The following OR2T27 variants were observed in gnomAD, a reference collection of about 807,000 sequenced individuals.
OR2T27 encodes the protein olfactory receptor family 2 subfamily T member 27, also known as olfactory receptor 2T27.
For missense variants in OR2T27, 152 were observed against 397.2 expected (o/e 0.38, Z 5.25); for synonymous variants, 51 against 152.9 (o/e 0.33, Z 4.92).
At position 248,650,043 on chromosome 1, in the gene OR2T27, A is replaced by G. The variant is rs1660968047; in HGVS notation, c.842T>C (p.Leu281Pro). Residue 281 changes from leucine to proline, a missense_variant, in exon 2 of 2, where the codon CTT becomes CCT. Physicochemically the swap from Leu to Pro is moderately conservative, Grantham distance 98 (BLOSUM62 -3). Transcript: ENST00000460972. The stretch of plus-strand genomic sequence containing the variant: ...AATGAGTGGATTGAGCATGGGAGTA[A>G]GGATGGTGTAGAAGGCAGATACAGC... ...DKAVSAFYTI[L>P]TPMLNPLIYS... is the part of the protein sequence containing the mutation. 6.3e-7 allele frequency: 1 copy of G among 1,575,522 alleles called. No individual in the cohort carries two copies. Among genetic ancestry groups the G allele is most frequent in the African/African-American group, 1.4e-5 (1 of 69,160 alleles).
chr1:248,650,901 C>T lies in OR2T27; in HGVS notation c.-4-13G>A. On this transcript the variant is annotated splice_polypyrimidine_tract_variant and intron_variant, in intron 1 of 1. Coordinates refer to ENST00000460972, the MANE Select transcript of OR2T27 (RefSeq NM_001001824.2). ...CTGCTCCATAGCTCTGTAGGGTACA[C>T]AAAAGAGATATGACAAAGTTGGAAA... is the stretch of plus-strand genomic sequence containing the variant. The T allele has an allele frequency of 2.1e-6, 3 of 1,444,862 alleles. No individual in the cohort carries two copies. The highest frequency in any genetic ancestry group is 2.8e-6 in the Non-Finnish European group (3 of 1,067,714). 89.5% of individuals were successfully genotyped at this position (1,444,862 alleles called of 1,614,324 possible). A position where few individuals can be genotyped will look rare whatever the true frequency, so the allele number is the denominator to read the frequency against.
intron 1 of OR2T27, among the ~76,000 whole-genome samples, chr1:248,652,739 T>G (rs1398730630): frequency 1.8e-5 from 2 of 110,320 alleles, no homozygotes; most frequent in African/African-American, 2.8e-5. Flanking sequence ...CGATGAAAAT[T>G]CAGATTTTTA....
At chr1:248,652,001 A>G (rs998072545) in intron 1 of OR2T27, among the ~76,000 whole-genome samples, 39 of 139,464 alleles carry the variant, frequency 2.8e-4, no homozygotes, top group Non-Finnish European at 5.3e-4. Flanking sequence ...CCTATTTTTT[A>G]CATTTTTAAT....
chr1:248,655,250 AACT>A (rs1407034153), intron 1 of OR2T27, among the ~76,000 whole-genome samples, 191 bp downstream of exon 1: 7 of 124,022 alleles, frequency 5.6e-5, no homozygotes, highest in African/African-American at 1.6e-4. Flanking sequence ...AAGAGTCCAT[AACT>A]ACTAAGAAAC....
At position 248,649,940 on chromosome 1, in the gene OR2T27, G is replaced by T. The variant is rs766496822; in HGVS notation, c.945C>A (p.Thr315=). The T allele has an allele frequency of 6.4e-7, 1 of 1,561,886 alleles. No homozygotes were observed. Among genetic ancestry groups the T allele is most frequent in the Admixed American group, 1.7e-5 (1 of 58,738 alleles). ...AGCATATGAAATTTCTTTAGAAAGT[G>T]GTTACCTTTCCTGAGGACACACACC... The part of the protein sequence containing the change: ...VGRCVSSGKV[T]TF Residue 315 remains threonine, a synonymous_variant, in exon 2 of 2, where the codon ACC becomes ACA. Coordinates refer to ENST00000460972, the MANE Select transcript of OR2T27 (RefSeq NM_001001824.2).
At position 248,649,994 on chromosome 1, in the gene OR2T27, G is replaced by T; in HGVS notation, c.891C>A (p.Val297=). 6.3e-7 allele frequency: 1 copy of T among 1,577,190 alleles called. No homozygotes were observed. Residue 297 remains valine (V), a synonymous_variant, in exon 2 of 2, where the codon GTC becomes GTA. Coordinates refer to ENST00000460972, the MANE Select transcript of OR2T27 (RefSeq NM_001001824.2). ...CCACAACCTTCTGTAGGGCCCCTGT[G>T]ACATCCTTGTTCCTAAGGCTGTAAA... is the stretch of plus-strand genomic sequence containing the variant. The part of the protein sequence containing the change: ...PLIYSLRNKD[V]TGALQKVVGR...
rs567610961 is a variant in OR2T27, at chr1:248,650,696, G to A, written c.189C>T (p.Leu63=). 1 of 1,540,236 alleles carries A rather than the reference G, an allele frequency of 6.5e-7. No homozygotes were observed. Among genetic ancestry groups the A allele is most frequent in the East Asian group, 2.3e-5 (1 of 43,784 alleles). The change falls in exon 2 of 2, where the codon CTC becomes CTT. Residue 63 remains leucine (L), a synonymous_variant. Transcript: ENST00000460972. ...GGATGTCCCTGAGGGAGAGCTGGCT[G>A]AGCAGGAAGTACATGGGGGTGTGGA... ...SRLHTPMYFL[L]SQLSLRDILY... is the part of the protein sequence containing the mutation.
rs1429170188 is a variant in OR2T27 at position 248,649,938 on chromosome 1, G to A, written c.947C>T (p.Thr316Ile). ...GRCVSSGKVTTF is the reference protein window; with the variant it reads ...GRCVSSGKVTIF ...GCAGCATATGAAATTTCTTTAGAAAGTGGTTACCTTTCCTGAGGACACACA... is the reference window on the plus strand; with the variant it reads ...GCAGCATATGAAATTTCTTTAGAAAATGGTTACCTTTCCTGAGGACACACA... The change falls in exon 2 of 2, where the codon ACT becomes ATT. Residue 316 changes from threonine (T) to isoleucine (I), a missense_variant. Transcript: ENST00000460972. The A allele has an allele frequency of 1.9e-6, 3 of 1,560,878 alleles. No homozygotes were observed. Among genetic ancestry groups the A allele is most frequent in the South Asian group, 1.1e-5 (1 of 88,434 alleles).
At chr1:248,651,948 ACT>A (rs1661025570) in intron 1 of OR2T27, among the ~76,000 whole-genome samples, 1 of 56,946 alleles carries the variant, frequency 1.8e-5, no homozygotes, top group South Asian at 9.5e-4. Context: ...TATTATGGTA[ACT>A]TTTAGATATA....
chr1:248,653,773 CTA>C (rs67010943), intron 1 of OR2T27, among the ~76,000 whole-genome samples: 102,909 of 125,400 alleles, frequency 0.82, 46,399 homozygotes, highest in East Asian at 1. Flanking sequence ...ATGACCTTTT[CTA>C]TATATAGGTG....
intron 1 of OR2T27, among the ~76,000 whole-genome samples, chr1:248,655,076 G>T (rs1415685076): frequency 1.3e-4 from 4 of 31,598 alleles, no homozygotes; most frequent in African/African-American, 1.4e-4. Flanking sequence ...TGCTTATGAG[G>T]TACCTAAACA....
At position 248,650,910 on chromosome 1, in the gene OR2T27, T is replaced by G. The variant is rs755185516; in HGVS notation, c.-4-22A>C. On this transcript the variant is annotated intron_variant, in intron 1 of 1. Coordinates refer to ENST00000460972, the MANE Select transcript of OR2T27 (RefSeq NM_001001824.2). ...AGCTCTGTAGGGTACACAAAAGAGA[T>G]ATGACAAAGTTGGAAAGGTATCTGA... 1.2e-5 allele frequency: 12 copies of G among 985,890 alleles called. No individual in the cohort carries two copies. The South Asian group carries it at 2.1e-4, about 18-fold the overall frequency. The allele number at this position is 985,890 out of a possible 1,614,324, so 61.1% of individuals were successfully genotyped here. A position where few individuals can be genotyped will look rare whatever the true frequency, so the allele number is the denominator to read the frequency against.
chr1:248,653,712 G>T (rs1661069942), intron 1 of OR2T27, among the ~76,000 whole-genome samples: 1 of 91,222 alleles, frequency 1.1e-5, no homozygotes, highest in South Asian at 6.6e-4. Flanking sequence ...ATATGGATTT[G>T]ATTATGAAAA....
Position 248,649,990 on chromosome 1 carries a change from C to T in OR2T27, c.895G>A (p.Gly299Arg). Reference sequence around the variant, plus strand: ...CTCCCCACAACCTTCTGTAGGGCCCCTGTGACATCCTTGTTCCTAAGGCTG... The same window carrying T: ...CTCCCCACAACCTTCTGTAGGGCCCTTGTGACATCCTTGTTCCTAAGGCTG... ...IYSLRNKDVT[G>R]ALQKVVGRCV... Residue 299 changes from glycine (G) to arginine (R), a missense_variant, in exon 2 of 2, where the codon GGG becomes AGG. Transcript: ENST00000460972. 6.3e-7 allele frequency: 1 copy of T among 1,577,690 alleles called. No individual in the cohort carries two copies. The highest frequency in any genetic ancestry group is 8.6e-7 in the Non-Finnish European group (1 of 1,157,650).
At position 248,650,231 on chromosome 1, in the gene OR2T27, G is replaced by T; in HGVS notation, c.654C>A (p.Tyr218Ter). Residue 218 changes from tyrosine (Y) to a stop codon, truncating the protein, a stop_gained, in exon 2 of 2, where the codon TAC (tyrosine) becomes TAA (stop). Transcript: ENST00000460972. LOFTEE classifies it low-confidence loss of function (END_TRUNC). Reference sequence around the variant, plus strand: ...TATAAACAGTAATGAGAATTCTTGTGTAAGAGCCCGAGATGACAGAGAAAG... The same window carrying T: ...TATAAACAGTAATGAGAATTCTTGTTTAAGAGCCCGAGATGACAGAGAAAG... ...LIPFSVISGS[Y>*]TRILITVYRM... 8.2e-7 allele frequency: 1 copy of T among 1,224,616 alleles called. No individual in the cohort carries two copies. The highest frequency in any genetic ancestry group is 1.2e-6 in the Non-Finnish European group (1 of 862,750). 75.9% of individuals were successfully genotyped at this position (1,224,616 alleles called of 1,614,324 possible).
intron 1 of OR2T27, among the ~76,000 whole-genome samples, chr1:248,653,480 CTG>C (rs1661062696): frequency 7.7e-6 from 1 of 130,532 alleles, no homozygotes. Flanking sequence ...GAGAATATTG[CTG>C]TGATTGAATA....
At chr1:248,652,166 C>CA (rs1661033232) in intron 1 of OR2T27, among the ~76,000 whole-genome samples, 1 of 77,638 alleles carries the variant, frequency 1.3e-5, no homozygotes, top group Non-Finnish European at 4.1e-5. Flanking sequence ...AGAATTGAGC[C>CA]AAAAAATTTA....
chr1:248,652,502 ATC>A lies in OR2T27; in HGVS notation c.-4-1616_-4-1615del, dbSNP rs1171483841. ...AGGCCCTGAAAGAATGTAAGACATC[ATC>A]TGTCTTCGAGCCTAGAATTGAGGCA... On this transcript the variant is annotated intron_variant, in intron 1 of 1. Coordinates refer to ENST00000460972, the MANE Select transcript of OR2T27 (RefSeq NM_001001824.2). Among the ~76,000 whole-genome samples the A allele has an allele frequency of 2.5e-4, 9 of 35,408 alleles. No homozygotes were observed. The East Asian group carries it at 3.8e-3, about 15-fold the overall frequency. The allele number at this position is 35,408 out of a possible 152,430, so 23.2% of individuals were successfully genotyped here. A position where few individuals can be genotyped will look rare whatever the true frequency, so the allele number is the denominator to read the frequency against.
rs187207674 is a variant in OR2T27 at position 248,652,276 on chromosome 1, A to G, written c.-4-1388T>C. Among the ~76,000 whole-genome samples, 493 of 151,218 alleles carry G rather than the reference A, an allele frequency of 3.3e-3. 2 individuals are homozygous for G. Among genetic ancestry groups the G allele is most frequent in the Non-Finnish European group, 5.7e-3 (385 of 67,546 alleles). On this transcript the variant is annotated intron_variant, in intron 1 of 1. Coordinates refer to ENST00000460972, the MANE Select transcript of OR2T27 (RefSeq NM_001001824.2). Reference sequence around the variant, plus strand: ...AGTGATTCGTAAATTTTACGTTTCCAAACAACTTTGTAAGATACTAGACCA... The same window carrying G: ...AGTGATTCGTAAATTTTACGTTTCCGAACAACTTTGTAAGATACTAGACCA...
Sources: gnomAD v4.1 joint callset for allele counts (sites outside exome capture counted in the v4.1 genomes callset) on GRCh38, gnomAD v4.1.1 for gene constraint, MANE v1.5 for transcripts, NCBI Gene and HGNC (gene_info 2026-07-23, HGNC 2026-07-21) for gene names.